The following ARHGAP10 variants were observed in gnomAD, a reference collection of about 807,000 sequenced individuals.
ARHGAP10 encodes Rho GTPase activating protein 10.
Under a neutral mutation model 108.6 loss-of-function variants are expected in ARHGAP10, and 87 were observed. The observed-to-expected ratio is 0.80, with a 90% CI of 0.67 to 0.96. The LOEUF is 0.96. Ranked by LOEUF, ARHGAP10 falls within the 40% of genes least tolerant of loss-of-function variation. ARHGAP10 has a pLI of 0.00. For missense variants in ARHGAP10, 939 were observed against 954.5 expected, an observed-to-expected ratio of 0.98 and a Z score of 0.21; for synonymous variants, 347 against 341.1, an observed-to-expected ratio of 1.02 and a Z score of -0.19.
intron 3 of ARHGAP10, among the ~76,000 whole-genome samples, chr4:147,831,577 A>C (rs1302837812): frequency 2.6e-5 from 4 of 152,218 alleles, no homozygotes; most frequent in African/African-American, 9.6e-5. Context: ...TATTTGTGAG[A>C]ACATTTCTCA....
At chr4:147,984,265 C>T (rs539230172) in intron 18 of ARHGAP10, among the ~76,000 whole-genome samples, 4 of 152,322 alleles carry the variant, frequency 2.6e-5, no homozygotes, top group South Asian at 2.1e-4. Context: ...TACACATTCG[C>T]GTTCAGCGGC....
At chr4:147,737,891 T>G (rs775746122) in intron 1 of ARHGAP10, among the ~76,000 whole-genome samples, 9 of 152,210 alleles carry the variant, frequency 5.9e-5, no homozygotes, top group Non-Finnish European at 8.8e-5. Context: ...CCATGGTTAT[T>G]TAGAACAGAT....
At chr4:148,013,544 C>T (rs369593227) in intron 18 of ARHGAP10, among the ~76,000 whole-genome samples, 18 of 152,102 alleles carry the variant, frequency 1.2e-4, no homozygotes, top group East Asian at 9.7e-4. Flanking sequence ...AAAAATTAGC[C>T]GGGCATGGTG....
chr4:147,900,142 G>T (rs773534284), intron 10 of ARHGAP10, among the ~76,000 whole-genome samples: 4 of 152,134 alleles, frequency 2.6e-5, no homozygotes, highest in Non-Finnish European at 4.4e-5. Context: ...TATAGAACAT[G>T]CAGTTGAAAG....
intron 1 of ARHGAP10, among the ~76,000 whole-genome samples, chr4:147,738,600 G>A (rs1374591065): frequency 1.3e-5 from 2 of 152,090 alleles, no homozygotes; most frequent in African/African-American, 4.8e-5. Context: ...TGGATTAAAA[G>A]TAGGATTTGT....
At chr4:147,930,236 T>G (rs1315539419) in intron 13 of ARHGAP10, among the ~76,000 whole-genome samples, 1 of 152,224 alleles carries the variant, frequency 6.6e-6, no homozygotes, top group Non-Finnish European at 1.5e-5. Context: ...TTTAATCATT[T>G]CATGCCTGTT....
At chr4:147,847,400 T>C (rs1560788163) in intron 4 of ARHGAP10, among the ~76,000 whole-genome samples, 178 bp downstream of exon 4, 1 of 152,252 alleles carries the variant, frequency 6.6e-6, no homozygotes, top group Non-Finnish European at 1.5e-5. Flanking sequence ...CAAAAACACC[T>C]GGACAAGATG....
At chr4:147,824,052 G>A (rs1732608251) in intron 3 of ARHGAP10, among the ~76,000 whole-genome samples, 1 of 152,156 alleles carries the variant, frequency 6.6e-6, no homozygotes, top group African/African-American at 2.4e-5. Context: ...GGGCGAGGTG[G>A]CTCATGCCTG....
intron 7 of ARHGAP10, among the ~76,000 whole-genome samples, chr4:147,871,474 G>C (rs915135700): frequency 2.0e-5 from 3 of 152,062 alleles, no homozygotes; most frequent in African/African-American, 7.2e-5. Context: ...CTTTCAATCA[G>C]ATTTAAAATA....
chr4:147,967,784 T>A (rs1426422802), intron 18 of ARHGAP10, among the ~76,000 whole-genome samples: 2 of 152,024 alleles, frequency 1.3e-5, no homozygotes, highest in Admixed American at 6.5e-5. Flanking sequence ...AAAGGACCAA[T>A]CTAGAGCAAT....
chr4:147,972,246 C>T (rs1578747105), intron 18 of ARHGAP10, among the ~76,000 whole-genome samples: 1 of 152,094 alleles, frequency 6.6e-6, no homozygotes, highest in South Asian at 2.1e-4. Flanking sequence ...ATGTTACATG[C>T]TTTGGGTCTA....
At chr4:147,996,600 C>T (rs1740487710) in intron 18 of ARHGAP10, among the ~76,000 whole-genome samples, 1 of 152,162 alleles carries the variant, frequency 6.6e-6, no homozygotes, top group Non-Finnish European at 1.5e-5. Context: ...TTAGCAAAAC[C>T]ACAGCAATGA....
At chr4:147,909,676 G>T in intron 11 of ARHGAP10, 56 bp from the exon 12 acceptor site, 1 of 1,457,722 alleles carries the variant, frequency 6.9e-7, no homozygotes, top group South Asian at 1.2e-5. Flanking sequence ...GTGCCTACTT[G>T]AATAATTTTT....
At chr4:147,812,194 AT>A (rs1233039569) in intron 1 of ARHGAP10, among the ~76,000 whole-genome samples, 1 of 152,138 alleles carries the variant, frequency 6.6e-6, no homozygotes, top group Non-Finnish European at 1.5e-5. Context: ...GTAAAAAGCT[AT>A]TTTTTAGCAT....
At position 147,879,270 on chromosome 4, in the gene ARHGAP10, T is replaced by C; in HGVS notation, c.871T>C (p.Cys291Arg). 1.9e-6 allele frequency: 3 copies of C among 1,614,126 alleles called. No homozygotes were observed. Among genetic ancestry groups the C allele is most frequent in the East Asian group, 2.2e-5 (1 of 44,882 alleles). ...TGGTTCCAGTTGGGTCAAACACTAT[T>C]GCATGTATCGAAAAGCAGCAAAGAA... is the stretch of plus-strand genomic sequence containing the variant. ...PFGSSWVKHYCMYRKAAKKFN... is the reference protein window; with the variant it reads ...PFGSSWVKHYRMYRKAAKKFN... The change falls in exon 9 of 23, where the codon TGC becomes CGC. Residue 291 changes from cysteine to arginine, a missense_variant. Physicochemically the swap from Cys to Arg is radical, Grantham distance 180 (BLOSUM62 -3). Transcript: ENST00000336498.
At chr4:148,056,193 A>G (rs1457298880) in intron 20 of ARHGAP10, among the ~76,000 whole-genome samples, 1 of 152,204 alleles carries the variant, frequency 6.6e-6, no homozygotes. Flanking sequence ...TCAGTAATCA[A>G]AACAGGTCTG....
intron 13 of ARHGAP10, among the ~76,000 whole-genome samples, chr4:147,917,696 TAGA>T (rs1737046550): frequency 6.6e-6 from 1 of 152,238 alleles, no homozygotes; most frequent in African/African-American, 2.4e-5. Flanking sequence ...TAGATGTTGA[TAGA>T]AGAATAGGAT....
chr4:147,753,405 G>A (rs1026031633), intron 1 of ARHGAP10, among the ~76,000 whole-genome samples: 4 of 149,828 alleles, frequency 2.7e-5, no homozygotes, highest in African/African-American at 9.8e-5. Context: ...GTACAGTGAT[G>A]TGATCTCGGC....
intron 19 of ARHGAP10, among the ~76,000 whole-genome samples, chr4:148,031,259 T>C (rs1318957570): frequency 1.3e-5 from 2 of 152,256 alleles, no homozygotes; most frequent in African/African-American, 4.8e-5. Context: ...TTAAAATCTT[T>C]AGTAGTTCAT....
Sources: allele counts gnomAD v4.1 joint callset (sites outside exome capture counted in the v4.1 genomes callset), GRCh38; gene constraint gnomAD v4.1.1; transcripts MANE v1.5; gene names NCBI Gene and HGNC (gene_info 2026-07-23, HGNC 2026-07-21).